Variants in SLC2A5 observed in about 807,000 individuals in gnomAD.
The protein encoded by SLC2A5 is solute carrier family 2 member 5.
Under a neutral mutation model 50.3 loss-of-function variants are expected in SLC2A5, and 56 were observed. The observed-to-expected ratio is 1.11, with a 90% CI of 0.90 to 1.39. The LOEUF is 1.39. Ranked by LOEUF, SLC2A5 falls within the 40% of genes most tolerant of loss-of-function variation. The pLI, the probability that SLC2A5 is intolerant of heterozygous loss-of-function variation, is 0.00. For missense variants in SLC2A5, 566 were observed against 650.1 expected (o/e 0.87, Z 1.41); for synonymous variants, 269 against 281.9 (o/e 0.95, Z 0.46).
intron 1 of SLC2A5, among the ~76,000 whole-genome samples, chr1:9,060,653 CCACACACACACACCCCA>C (rs1641915590): frequency 5.3e-5 from 7 of 131,592 alleles, no homozygotes; most frequent in Admixed American, 7.9e-5. Context: ...CACACACCCC[CCACACACACACACCCCA>C]CACACACACC....
At chr1:9,094,194 A>T in the SLC2A5 span, among the ~76,000 whole-genome samples, 42 of 152,320 alleles carry the variant, frequency 2.8e-4, no homozygotes, top group African/African-American at 9.6e-4. Context: ...CCTGAAGCGA[A>T]CGGAGCATTC....
intron 3 of SLC2A5, among the ~76,000 whole-genome samples, chr1:9,051,695 T>C (rs1641581330): frequency 6.6e-6 from 1 of 152,136 alleles, no homozygotes; most frequent in South Asian, 2.1e-4. Flanking sequence ...AAATGATATA[T>C]CTACTTTAAA....
At chr1:9,060,014 T>TAC (rs747229670) in intron 1 of SLC2A5, among the ~76,000 whole-genome samples, 2 of 94,924 alleles carry the variant, frequency 2.1e-5, no homozygotes, top group African/African-American at 5.4e-5. Context: ...ACACACACAC[T>TAC]ACACACACAC....
At chr1:9,084,473 C>T (rs1487972265) in intron 2 of SLC2A5, among the ~76,000 whole-genome samples, 1 of 152,240 alleles carries the variant, frequency 6.6e-6, no homozygotes, top group Non-Finnish European at 1.5e-5. Context: ...AAAGCCTGGA[C>T]ACTGCCTGCG....
At chr1:9,082,229 G>T (rs1557686049) in intron 2 of SLC2A5, among the ~76,000 whole-genome samples, 1 of 152,168 alleles carries the variant, frequency 6.6e-6, no homozygotes, top group Non-Finnish European at 1.5e-5. Context: ...ATTACCATAT[G>T]ACCTAGCAAT....
chr1:9,088,124 C>T (rs1307863830), intron 1 of SLC2A5, among the ~76,000 whole-genome samples: 1 of 152,024 alleles, frequency 6.6e-6, no homozygotes, highest in African/African-American at 2.4e-5. Flanking sequence ...GTCTTAGATC[C>T]CGACCCTCCC....
intron 2 of SLC2A5, among the ~76,000 whole-genome samples, chr1:9,083,878 C>T (rs1642377677): frequency 6.6e-6 from 1 of 152,064 alleles, no homozygotes; most frequent in Admixed American, 6.5e-5. Flanking sequence ...GGCACGGTGG[C>T]TCACGCCTGT....
At chr1:9,063,174 C>T (rs942232813) in intron 1 of SLC2A5, among the ~76,000 whole-genome samples, 1 of 152,182 alleles carries the variant, frequency 6.6e-6, no homozygotes, top group Admixed American at 6.5e-5. Context: ...TGTTTGTCTT[C>T]CCGTGCCTGG....
At chr1:9,059,365 A>G (rs139095453) in intron 1 of SLC2A5, among the ~76,000 whole-genome samples, 2,645 of 150,722 alleles carry the variant, frequency 0.018, 64 homozygotes, top group East Asian at 0.11. Context: ...GGATGGTCTC[A>G]ATCTCCTGAC....
At chr1:9,087,647 C>T (rs1038643634) in intron 1 of SLC2A5, among the ~76,000 whole-genome samples, 6 of 152,150 alleles carry the variant, frequency 3.9e-5, no homozygotes, top group African/African-American at 1.4e-4. Flanking sequence ...AGCCTCTGGA[C>T]AGCCGCCCTG....
At chr1:9,069,369 C>G in intron 1 of SLC2A5, 135 bp downstream of exon 1, 1 of 876,228 alleles carries the variant, frequency 1.1e-6, no homozygotes, top group Non-Finnish European at 1.8e-6. Flanking sequence ...CTTTCCCCCT[C>G]TCCCCACCAT....
intron 5 of SLC2A5, chr1:9,041,486 T>C: frequency 7.6e-7 from 1 of 1,311,754 alleles, no homozygotes; most frequent in Non-Finnish European, 9.7e-7. Context: ...GTCATTGCTA[T>C]GCCACGGGCC....
At chr1:9,075,772 T>G (rs1358343471) in intron 2 of SLC2A5, among the ~76,000 whole-genome samples, 2 of 152,008 alleles carry the variant, frequency 1.3e-5, no homozygotes, top group African/African-American at 4.8e-5. Flanking sequence ...GTGATTCTCC[T>G]GCCTCAACCT....
rs1396277494 is a variant in SLC2A5 at position 9,060,701 on chromosome 1, ACACACACACAGCCCACCCCC to A, written c.34-2471_34-2452del. 1.2e-3 allele frequency among the ~76,000 whole-genome samples: 127 copies of A among 107,198 alleles called. 1 individual carries two copies. The highest frequency in any genetic ancestry group is 2.7e-3 in the African/African-American group (77 of 28,794). The allele number at this position is 107,198 out of a possible 152,430, so 70.3% of individuals were successfully genotyped here. A position where few individuals can be genotyped will look rare whatever the true frequency, so the allele number is the denominator to read the frequency against. On this transcript the variant is annotated intron_variant, in intron 1 of 11. Transcript: ENST00000377424. ...ACACCACATACACACAGCCCACCCC[ACACACACACAGCCCACCCCC>A]CACACACACATATGCACACACAATA...
intron 3 of SLC2A5, among the ~76,000 whole-genome samples, chr1:9,056,120 G>A (rs1375393925): frequency 7.2e-5 from 11 of 152,292 alleles, no homozygotes; most frequent in African/African-American, 2.4e-4. Context: ...GGCCCACAGG[G>A]AAAACTGTGG....
chr1:9,060,237 ACC>A (rs1280068223), intron 1 of SLC2A5, among the ~76,000 whole-genome samples: 11 of 32,220 alleles, frequency 3.4e-4, no homozygotes, highest in South Asian at 2.6e-3. Flanking sequence ...ATACACACAC[ACC>A]CCCCATGTAC....
At chr1:9,068,528 T>C (rs1011876169) in intron 1 of SLC2A5, among the ~76,000 whole-genome samples, 3 of 151,236 alleles carry the variant, frequency 2.0e-5, no homozygotes, top group Non-Finnish European at 4.4e-5. Context: ...CTCAGCTCAT[T>C]GCAGCCTCTG....
intron 2 of SLC2A5, among the ~76,000 whole-genome samples, chr1:9,076,007 G>C (rs539049341): frequency 1.3e-5 from 2 of 150,740 alleles, no homozygotes; most frequent in African/African-American, 4.9e-5. Context: ...CCAGGCTGGG[G>C]TGCAGTGGCA....
chr1:9,051,791 C>A (rs1471770159), intron 3 of SLC2A5, among the ~76,000 whole-genome samples: 3 of 151,914 alleles, frequency 2.0e-5, no homozygotes, highest in Non-Finnish European at 4.4e-5. Flanking sequence ...TTGGTATTTA[C>A]CCAAAGGAGC....
Sources: allele counts gnomAD v4.1 joint callset (sites outside exome capture counted in the v4.1 genomes callset), GRCh38; gene constraint gnomAD v4.1.1; transcripts MANE v1.5; gene names NCBI Gene and HGNC (gene_info 2026-07-23, HGNC 2026-07-21).